The following POLG2 variants were observed in gnomAD, a reference collection of about 807,000 sequenced individuals.
POLG2 encodes the protein DNA polymerase gamma 2, accessory subunit.
A neutral mutation model predicts 56.5 loss-of-function variants in POLG2; 50 were observed. The observed-to-expected ratio is 0.88, with a 90% CI of 0.71 to 1.12. The LOEUF is 1.12. Among genes scored for constraint, POLG2 ranks in the 50% most tolerant of loss-of-function variants. The probability of loss-of-function intolerance (pLI) is 0.00; values close to 1 mark genes in which losing one functional copy is unlikely to be tolerated. For synonymous variants in POLG2, 226 were observed against 222.6 expected (o/e 1.02, Z -0.14); for missense variants, 584 against 583.3 (o/e 1.00, Z -0.01).
intron 1 of POLG2, 96 bp downstream of exon 1, chr17:64,496,311 G>T: frequency 1.3e-6 from 1 of 757,276 alleles, no homozygotes; most frequent in Non-Finnish European, 2.3e-6. Flanking sequence ...TTCCTTGCAT[G>T]GGAATACAGG....
In POLG2 at chr17:64,490,462, T is replaced by C. The variant is rs2038038621; in HGVS notation, c.969+334A>G. 26 of 339,898 alleles carry C rather than the reference T, an allele frequency of 7.6e-5. 1 individual carries two copies. The highest frequency in any genetic ancestry group is 4.8e-4 in the South Asian group (19 of 39,452). 21.1% of individuals were successfully genotyped at this position (339,898 alleles called of 1,614,324 possible). On this transcript the variant is annotated intron_variant, in intron 4 of 7. Transcript: ENST00000539111. Reference sequence around the variant, plus strand: ...CTACAGATTAACTAGACTGTACTCTTCAAAAATGTCAAGGTCACGCAAGAC... The same window carrying C: ...CTACAGATTAACTAGACTGTACTCTCCAAAAATGTCAAGGTCACGCAAGAC...
chr17:64,482,479 G>A (rs1285580066), intron 6 of POLG2, among the ~76,000 whole-genome samples: 8 of 151,958 alleles, frequency 5.3e-5, no homozygotes, highest in Non-Finnish European at 4.4e-5. Flanking sequence ...GTGCCACCAC[G>A]CCCAGCTAAT....
At chr17:64,480,503 T>G (rs1555666299) in intron 6 of POLG2, 114 bp from the exon 7 acceptor site, 1 of 541,612 alleles carries the variant, frequency 1.8e-6, no homozygotes. Context: ...TGGGTATGTT[T>G]CTTTAATTAT....
Position 64,496,831 on chromosome 17 carries a change from C to A in POLG2, c.138G>T (p.Ser46=). ...CGCCGTTCCCCTCGAGCTCCGCGTGCGACTTCACATGCCCTCCTTTGGGGC... is the reference window on the plus strand; with the variant it reads ...CGCCGTTCCCCTCGAGCTCCGCGTGAGACTTCACATGCCCTCCTTTGGGGC... ...RSSPKGGHVK[S]HAELEGNGEH... is the part of the protein sequence containing the mutation. The change falls in exon 1 of 8, where the codon TCG becomes TCT. Residue 46 remains serine, a synonymous_variant. Transcript: ENST00000539111. The A allele has an allele frequency of 1.9e-6, 3 of 1,613,824 alleles. No homozygotes were observed. Among genetic ancestry groups the A allele is most frequent in the Non-Finnish European group, 2.5e-6 (3 of 1,180,024 alleles).
chr17:64,495,548 G>A (rs2038136988), intron 1 of POLG2, among the ~76,000 whole-genome samples: 1 of 152,162 alleles, frequency 6.6e-6, no homozygotes, highest in South Asian at 2.1e-4. Context: ...CTGCACTCGA[G>A]TCTGGGTGAC....
chr17:64,483,438 C>T (rs999393620), intron 5 of POLG2, among the ~76,000 whole-genome samples: 1 of 150,988 alleles, frequency 6.6e-6, no homozygotes, highest in Non-Finnish European at 1.5e-5. Flanking sequence ...ATGCTTGACC[C>T]GGGAGGTCAA....
intron 5 of POLG2, among the ~76,000 whole-genome samples, chr17:64,483,301 C>G (rs572129851): frequency 9.2e-5 from 14 of 152,088 alleles, no homozygotes; most frequent in African/African-American, 3.1e-4. Context: ...ATTCCTTGAG[C>G]TCAGGAGTTT....
chr17:64,485,913 T>TTTTG, intron 4 of POLG2, 45 bp from the exon 5 acceptor site: 1 of 1,604,670 alleles, frequency 6.2e-7, no homozygotes, highest in South Asian at 1.1e-5. Context: ...ACAGAACTTT[T>TTTTG]TTTGTTTGTT....
intron 4 of POLG2, among the ~76,000 whole-genome samples, chr17:64,488,988 A>C (rs1244286555): frequency 6.6e-6 from 1 of 150,458 alleles, no homozygotes; most frequent in South Asian, 2.1e-4. Context: ...TACTCATTAT[A>C]TATAAACTCC....
At chr17:64,478,085 G>A in intron 7 of POLG2, 97 bp from the exon 8 acceptor site, 1 of 1,302,806 alleles carries the variant, frequency 7.7e-7, no homozygotes, top group Middle Eastern at 2.1e-4. Context: ...GCACTCTCAA[G>A]AGTCACAGAC....
chr17:64,496,645 C>G lies in POLG2; in HGVS notation c.324G>C (p.Lys108Asn). The G allele has an allele frequency of 6.2e-7, 1 of 1,614,044 alleles. No homozygotes were observed. The highest frequency in any genetic ancestry group is 8.5e-7 in the Non-Finnish European group (1 of 1,180,000). ...AGGTCCACCATTCTGCGGCCAGGTT[C>G]TTCCGCAACTCTACGCCCAAGGGTC... The part of the protein sequence containing the change: ...GFGPLGVELR[K>N]NLAAEWWTSV... The change falls in exon 1 of 8, where the codon AAG (lysine) becomes AAC (asparagine). Residue 108 changes from lysine to asparagine, a missense_variant. By Grantham distance (94) the Lys-to-Asn change is moderately conservative. Coordinates refer to ENST00000539111, the MANE Select transcript of POLG2 (RefSeq NM_007215.4).
intron 1 of POLG2, among the ~76,000 whole-genome samples, chr17:64,494,256 C>T (rs1372588116): frequency 1.3e-5 from 2 of 152,090 alleles, no homozygotes; most frequent in African/African-American, 2.4e-5. Flanking sequence ...GATTTAATTT[C>T]GGCTAATCAT....
chr17:64,493,039 A>G lies in POLG2; in HGVS notation c.563-18T>C. On this transcript the variant is annotated intron_variant, in intron 1 of 7. Transcript: ENST00000539111. ...CAAGGCACCTGTCAAAAGATAAATC[A>G]ATCATTGTATACATCTAGTCCACAA... 1 of 1,613,866 alleles carries G rather than the reference A, an allele frequency of 6.2e-7. No homozygotes were observed. Among genetic ancestry groups the G allele is most frequent in the South Asian group, 1.1e-5 (1 of 91,076 alleles).
intron 6 of POLG2, among the ~76,000 whole-genome samples, chr17:64,481,020 T>A (rs899520712): frequency 6.6e-6 from 1 of 152,118 alleles, no homozygotes; most frequent in African/African-American, 2.4e-5. Context: ...AAGCAAAATT[T>A]AAAAACCCCT....
At chr17:64,491,697 GGGTTTACCAT>G (rs2038061648) in intron 3 of POLG2, 1 of 1,090,318 alleles carries the variant, frequency 9.2e-7, no homozygotes, top group Non-Finnish European at 1.4e-6. Context: ...GAGCATCTCG[GGGTTTACCAT>G]GGTGCTGGCA....
chr17:64,485,974 T>G, intron 4 of POLG2, 106 bp from the exon 5 acceptor site: 1 of 1,055,308 alleles, frequency 9.5e-7, no homozygotes, highest in Non-Finnish European at 1.4e-6. Context: ...TGGAGTGCAG[T>G]GGCATGATCT....
intron 4 of POLG2, 175 bp downstream of exon 4, chr17:64,490,621 G>A: frequency 4.8e-6 from 3 of 629,866 alleles, no homozygotes; most frequent in Admixed American, 2.5e-5. Context: ...GTGGATTACT[G>A]TTAATTTCCT....
chr17:64,495,779 G>A (rs2038140804), intron 1 of POLG2, among the ~76,000 whole-genome samples: 1 of 151,836 alleles, frequency 6.6e-6, no homozygotes, highest in South Asian at 2.1e-4. Flanking sequence ...CGTGATCTCG[G>A]CTCACTGCAA....
Position 64,477,967 on chromosome 17 carries a change from G to A in POLG2, c.1314C>T (p.Leu438=). The A allele has an allele frequency of 1.2e-6, 2 of 1,613,836 alleles. No individual in the cohort carries two copies. Among genetic ancestry groups the A allele is most frequent in the South Asian group, 2.2e-5 (2 of 91,058 alleles). ...TAGTTTCAGTAACCAAAACTGTGAA[G>A]AGAATACTCATTTCATCATACCTAA... ...LYSKYDEMSI[L]FTVLVTETTL... The change falls in exon 8 of 8, where the codon CTC becomes CTT. Residue 438 remains leucine, a synonymous_variant. Transcript: ENST00000539111.
Sources: gnomAD v4.1 joint callset for allele counts (sites outside exome capture counted in the v4.1 genomes callset) on GRCh38, gnomAD v4.1.1 for gene constraint, MANE v1.5 for transcripts, NCBI Gene and HGNC (gene_info 2026-07-23, HGNC 2026-07-21) for gene names.